The following PHKB variants were observed in gnomAD, a reference collection of about 807,000 sequenced individuals.
PHKB encodes the protein phosphorylase b kinase regulatory subunit beta.
Under a neutral mutation model 152.1 loss-of-function variants are expected in PHKB, and 122 were observed. That is an observed-to-expected ratio of 0.80 (90% confidence interval 0.69 to 0.93). The LOEUF is 0.93. PHKB is among the 40% of genes least tolerant of loss of function. The pLI is 0.00. For synonymous variants in PHKB, 436 were observed against 464.9 expected (o/e 0.94, Z 0.80); for missense variants, 1,304 against 1,328.4 (o/e 0.98, Z 0.29).
intron 6 of PHKB, among the ~76,000 whole-genome samples, chr16:47,520,314 G>A (rs1430566237): frequency 2.6e-5 from 4 of 152,194 alleles, no homozygotes; most frequent in Non-Finnish European, 5.9e-5. Context: ...TGCTGTCACT[G>A]TTCAAAGTGC....
At chr16:47,545,000 A>G (rs1415236320) in intron 6 of PHKB, among the ~76,000 whole-genome samples, 1 of 151,956 alleles carries the variant, frequency 6.6e-6, no homozygotes, top group African/African-American at 2.4e-5. Context: ...TGCATGTGAG[A>G]TGGGTCTCCT....
At chr16:47,533,901 C>T (rs867118224) in intron 6 of PHKB, among the ~76,000 whole-genome samples, 29 of 152,154 alleles carry the variant, frequency 1.9e-4, no homozygotes, top group Admixed American at 5.2e-4. Context: ...CCAGGGAGGG[C>T]GGGGCTCCTG....
chr16:47,516,357 A>T (rs185175826), intron 6 of PHKB, among the ~76,000 whole-genome samples: 53 of 152,344 alleles, frequency 3.5e-4, no homozygotes, highest in Middle Eastern at 3.4e-3. Flanking sequence ...AAAGACAAAT[A>T]CCATGTTCTT....
intron 7 of PHKB, among the ~76,000 whole-genome samples, chr16:47,556,634 G>A (rs532573222): frequency 6.6e-6 from 1 of 152,118 alleles, no homozygotes; most frequent in Non-Finnish European, 1.5e-5. Flanking sequence ...TGATCATGGT[G>A]GATAAGCTTT....
intron 14 of PHKB, among the ~76,000 whole-genome samples, chr16:47,616,235 G>T (rs957341175): frequency 6.6e-6 from 1 of 151,750 alleles, no homozygotes; most frequent in Non-Finnish European, 1.5e-5. Flanking sequence ...TCATGTCTAA[G>T]AAAGTATTGC....
chr16:47,537,456 A>G (rs1471672164), intron 6 of PHKB, among the ~76,000 whole-genome samples: 1 of 152,172 alleles, frequency 6.6e-6, no homozygotes, highest in Non-Finnish European at 1.5e-5. Context: ...GCCCCTTCTG[A>G]TTGGCTGCTG....
Position 47,660,745 on chromosome 16 carries a change from C to G in PHKB, c.2122C>G (p.Leu708Val), listed in dbSNP as rs1306672795. The change falls in exon 22 of 31, where the codon CTG becomes GTG. Residue 708 changes from leucine to valine, a missense_variant. By Grantham distance (32) the Leu-to-Val change is conservative. Coordinates refer to ENST00000323584, the MANE Select transcript of PHKB (RefSeq NM_000293.3). Reference protein sequence around the residue: ...RQSSTPSAPELGQQPDVNISE... With the variant: ...RQSSTPSAPEVGQQPDVNISE... ...AAGCAGCACCCCTAGTGCTCCTGAA[C>G]TGGGACAGCAGCCGGATGTCAACAT... 7 of 1,614,130 alleles carry G rather than the reference C, an allele frequency of 4.3e-6. No individual in the cohort carries two copies. Among genetic ancestry groups the G allele is most frequent in the Non-Finnish European group, 5.9e-6 (7 of 1,180,000 alleles).
At chr16:47,653,654 C>T (rs931145947) in intron 20 of PHKB, among the ~76,000 whole-genome samples, 1 of 152,082 alleles carries the variant, frequency 6.6e-6, no homozygotes, top group Non-Finnish European at 1.5e-5. Flanking sequence ...TTAAGTGTCC[C>T]TCCCATTCCA....
intron 18 of PHKB, 126 bp from the exon 19 acceptor site, chr16:47,650,418 A>T (rs536769312): frequency 1.4e-6 from 1 of 704,248 alleles, no homozygotes; most frequent in South Asian, 1.5e-5. Context: ...AGTCTAAGTT[A>T]TTCAGGGTTG....
chr16:47,597,678 C>CTTTT (rs1010545365), intron 13 of PHKB: 1 of 107,872 alleles, frequency 9.3e-6, no homozygotes, highest in Non-Finnish European at 2.0e-5. Flanking sequence ...TTTCTTTTTT[C>CTTTT]TTTTTTTTTT....
chr16:47,697,944 A>G (rs958997299), intron 29 of PHKB, among the ~76,000 whole-genome samples: 2 of 152,144 alleles, frequency 1.3e-5, no homozygotes, highest in African/African-American at 4.8e-5. Context: ...CCCTTGAGAA[A>G]CTACTGTGGC....
Position 47,699,470 on chromosome 16 carries a change from C to T in PHKB, c.*104C>T. On this transcript the variant is annotated 3_prime_UTR_variant, in exon 31 of 31. Transcript: ENST00000323584. The stretch of plus-strand genomic sequence containing the variant: ...GCCATTAATATACGAACTGAGCATG[C>T]TGGGGAGGTGAATGCCACATCCTTG... The T allele has an allele frequency of 7.5e-7, 1 of 1,336,878 alleles. No homozygotes were observed. The allele number at this position is 1,336,878 out of a possible 1,614,324, so 82.8% of individuals were successfully genotyped here.
At chr16:47,581,087 A>G (rs1971836201) in intron 8 of PHKB, among the ~76,000 whole-genome samples, 1 of 152,228 alleles carries the variant, frequency 6.6e-6, no homozygotes, top group African/African-American at 2.4e-5. Context: ...CTAACTGAGA[A>G]TAAAATTAAT....
chr16:47,650,955 C>A, intron 20 of PHKB, 34 bp downstream of exon 20: 1 of 1,388,250 alleles, frequency 7.2e-7, no homozygotes, highest in Non-Finnish European at 1.0e-6. Flanking sequence ...CATCTATTTT[C>A]AGGACAGTTA....
At chr16:47,607,850 C>A (rs911192599) in intron 13 of PHKB, among the ~76,000 whole-genome samples, 2 of 151,996 alleles carry the variant, frequency 1.3e-5, no homozygotes, top group Non-Finnish European at 2.9e-5. Context: ...TTGTTCTTAC[C>A]TATTTTCTTT....
intron 7 of PHKB, 39 bp downstream of exon 7, chr16:47,547,587 A>C: frequency 9.2e-7 from 1 of 1,091,306 alleles, no homozygotes; most frequent in Middle Eastern, 2.0e-4. Flanking sequence ...TTTAAATTAA[A>C]TGTATGGAAT....
intron 6 of PHKB, among the ~76,000 whole-genome samples, chr16:47,538,339 A>G (rs375702573): frequency 1.3e-5 from 2 of 152,256 alleles, no homozygotes; most frequent in African/African-American, 2.4e-5. Flanking sequence ...CTTAAGGTAT[A>G]TAGGCAAGGT....
At chr16:47,648,903 G>T (rs1973183409) in intron 17 of PHKB, among the ~76,000 whole-genome samples, 197 bp from the exon 18 acceptor site, 1 of 152,090 alleles carries the variant, frequency 6.6e-6, no homozygotes, top group Admixed American at 6.5e-5. Flanking sequence ...GAGGTAGACT[G>T]CTTTAAGTTT....
At position 47,699,330 on chromosome 16, in the gene PHKB, C is replaced by T; in HGVS notation, c.3246C>T (p.Val1082=). The T allele has an allele frequency of 6.2e-7, 1 of 1,614,160 alleles. No homozygotes were observed. Among genetic ancestry groups the T allele is most frequent in the South Asian group, 1.1e-5 (1 of 91,086 alleles). ...TGAATCTGCTGCTGGAAGGAGAAGT[C>T]AAGCCAAACAATGATGACCCGTGTC... The part of the protein sequence containing the change: ...AVMNLLLEGE[V]KPNNDDPCLI... The change falls in exon 31 of 31, where the codon GTC becomes GTT. Residue 1082 remains valine, a synonymous_variant. Coordinates refer to ENST00000323584, the MANE Select transcript of PHKB (RefSeq NM_000293.3).
Sources: gnomAD v4.1 joint callset for allele counts (sites outside exome capture counted in the v4.1 genomes callset) on GRCh38, gnomAD v4.1.1 for gene constraint, MANE v1.5 for transcripts, NCBI Gene and HGNC (gene_info 2026-07-23, HGNC 2026-07-21) for gene names.